MPHOSPH6: variants seen among roughly 807,000 people sequenced by gnomAD.
The protein encoded by MPHOSPH6 is M-phase phosphoprotein 6.
In MPHOSPH6, 25 loss-of-function variants were observed where a neutral mutation model predicts 21.8. That is an observed-to-expected ratio of 1.15 (90% CI 0.83 to 1.60). The LOEUF is 1.60. Ranked by LOEUF, MPHOSPH6 falls within the 40% of genes most tolerant of loss-of-function variation. The probability of loss-of-function intolerance (pLI) is 0.00; values close to 1 mark genes in which losing one functional copy is unlikely to be tolerated. For synonymous variants in MPHOSPH6, 84 were observed against 56.5 expected (o/e 1.49, Z -2.18); for missense variants, 269 against 181.8 (o/e 1.48, Z -2.76).
chr16:82,151,222 G>T lies in MPHOSPH6; in HGVS notation c.255+202C>A, dbSNP rs939620721. The T allele has an allele frequency of 1.3e-5, 8 of 613,728 alleles. No homozygotes were observed. The African/African-American group carries it at 1.5e-4, about 11-fold the overall frequency. The allele number at this position is 613,728 out of a possible 1,614,324, so 38.0% of individuals were successfully genotyped here. ...TGTCAAGGGCTGTATACTGCTATATGAAATTATCTACTCACCTCTACCATA... is the reference window on the plus strand; with the variant it reads ...TGTCAAGGGCTGTATACTGCTATATTAAATTATCTACTCACCTCTACCATA... On this transcript the variant is annotated intron_variant, in intron 3 of 4. Transcript: ENST00000258169.
At chr16:82,149,495 C>G (rs1906194305) in intron 3 of MPHOSPH6, 92 bp from the exon 4 acceptor site, 1 of 1,060,182 alleles carries the variant, frequency 9.4e-7, no homozygotes, top group Non-Finnish European at 1.5e-6. Context: ...AAACTGAAGT[C>G]AAATAATCTA....
intron 2 of MPHOSPH6, among the ~76,000 whole-genome samples, chr16:82,158,211 G>A (rs552227151): frequency 1.3e-5 from 2 of 152,038 alleles, no homozygotes; most frequent in South Asian, 2.1e-4. Context: ...CTTCTTAGCC[G>A]GGCGCAGTGG....
intron 1 of MPHOSPH6, among the ~76,000 whole-genome samples, chr16:82,168,459 G>A (rs991315261): frequency 6.7e-5 from 9 of 133,654 alleles, no homozygotes; most frequent in Non-Finnish European, 9.2e-5. Flanking sequence ...CCCATATAAT[G>A]TTTACTCTCT....
chr16:82,158,172 T>C (rs985478842), intron 2 of MPHOSPH6, among the ~76,000 whole-genome samples: 22 of 152,020 alleles, frequency 1.4e-4, no homozygotes, highest in African/African-American at 5.1e-4. Context: ...ATATTCGGTA[T>C]ACGAAATTGA....
In MPHOSPH6 at chr16:82,153,274, A is replaced by T. The variant is rs1195903682; in HGVS notation, c.165-1760T>A. On this transcript the variant is annotated intron_variant, in intron 2 of 4. Transcript: ENST00000258169. ...GTTATTCCATCCCTAGCTGTAGGGG[A>T]GTAATTGGTATGGAACTAGCTTTCC... Among the ~76,000 whole-genome samples, 14 of 152,370 alleles carry T rather than the reference A, an allele frequency of 9.2e-5. No homozygotes were observed. In the East Asian group the frequency reaches 2.7e-3, roughly 29 times the overall value.
chr16:82,158,551 A>C (rs1294903851), intron 2 of MPHOSPH6, among the ~76,000 whole-genome samples: 1 of 151,448 alleles, frequency 6.6e-6, no homozygotes. Flanking sequence ...AAATAATCTA[A>C]CTGCACTTGT....
intron 1 of MPHOSPH6, among the ~76,000 whole-genome samples, chr16:82,168,845 G>C (rs28423056): frequency 0.02 from 3,035 of 152,260 alleles, 118 homozygotes; most frequent in African/African-American, 0.069. Flanking sequence ...ACATGTAACA[G>C]TTTGCTACTC....
rs539885570 is a variant in MPHOSPH6 at position 82,150,246 on chromosome 16, T to G, written c.256-843A>C. On this transcript the variant is annotated intron_variant, in intron 3 of 4. Coordinates refer to ENST00000258169, the MANE Select transcript of MPHOSPH6 (RefSeq NM_005792.2). ...GGCAGTGGCACCTCTCCTTTCCCATTGCAGCAGACATACTTTGGAATGCTC... is the reference window on the plus strand; with the variant it reads ...GGCAGTGGCACCTCTCCTTTCCCATGGCAGCAGACATACTTTGGAATGCTC... Among the ~76,000 whole-genome samples, 3 of 152,230 alleles carry G rather than the reference T, an allele frequency of 2.0e-5. No individual in the cohort carries two copies. The South Asian group carries it at 6.2e-4, about 32-fold the overall frequency.
chr16:82,161,831 A>T (rs907820102), intron 2 of MPHOSPH6, among the ~76,000 whole-genome samples: 1 of 152,204 alleles, frequency 6.6e-6, no homozygotes, highest in African/African-American at 2.4e-5. Context: ...CCACTGGCTA[A>T]AAGTGTCCCC....
intron 2 of MPHOSPH6, among the ~76,000 whole-genome samples, chr16:82,158,571 C>T (rs1021473666): frequency 6.6e-6 from 1 of 150,798 alleles, no homozygotes; most frequent in African/African-American, 2.4e-5. Context: ...TGTGACTGAA[C>T]CGAGAGATGA....
chr16:82,169,319 T>C (rs1018814880), intron 1 of MPHOSPH6, among the ~76,000 whole-genome samples: 1 of 152,240 alleles, frequency 6.6e-6, no homozygotes, highest in African/African-American at 2.4e-5. Flanking sequence ...TTTCTTTTTC[T>C]TTCTTGCCTC....
chr16:82,148,989 A>T, intron 4 of MPHOSPH6, 126 bp from the exon 5 acceptor site: 1 of 1,246,734 alleles, frequency 8.0e-7, no homozygotes, highest in Non-Finnish European at 1.1e-6. Context: ...CATTAAAAGA[A>T]ACCATCTGAT....
intron 2 of MPHOSPH6, among the ~76,000 whole-genome samples, chr16:82,158,595 T>C (rs998786586): frequency 6.6e-6 from 1 of 152,166 alleles, no homozygotes; most frequent in Non-Finnish European, 1.5e-5. Context: ...AGACACTTTT[T>C]TTCAATGTCA....
At chr16:82,162,409 G>A (rs1276336467) in intron 2 of MPHOSPH6, 1 of 152,316 alleles carries the variant, frequency 6.6e-6, no homozygotes, top group Non-Finnish European at 1.5e-5. Flanking sequence ...GTCTTCACCT[G>A]TTTCTCTGGC....
At position 82,148,681 on chromosome 16, in the gene MPHOSPH6, C is replaced by A. The variant is rs3751863; in HGVS notation, c.*50G>T. The A allele has an allele frequency of 2.8e-5, 45 of 1,599,336 alleles. No homozygotes were observed. In the South Asian group the frequency reaches 4.2e-4, roughly 15 times the overall value. On this transcript the variant is annotated 3_prime_UTR_variant, in exon 5 of 5. Coordinates refer to ENST00000258169, the MANE Select transcript of MPHOSPH6 (RefSeq NM_005792.2). ...CACCATTGGGATGAGCTCCAGATGCCCTGCTGACTTCCACCAAGCACCCCT... is the reference window on the plus strand; with the variant it reads ...CACCATTGGGATGAGCTCCAGATGCACTGCTGACTTCCACCAAGCACCCCT...
chr16:82,150,725 C>T (rs1206140882), intron 3 of MPHOSPH6, among the ~76,000 whole-genome samples: 2 of 152,170 alleles, frequency 1.3e-5, no homozygotes, highest in Non-Finnish European at 2.9e-5. Flanking sequence ...AAAGCCACCA[C>T]CACAAAGAAT....
In MPHOSPH6 at chr16:82,163,645, G is replaced by C. The variant is rs551435118; in HGVS notation, c.164+437C>G. Among the ~76,000 whole-genome samples the C allele has an allele frequency of 2.0e-5, 3 of 152,322 alleles. No homozygotes were observed. The South Asian group carries it at 6.2e-4, about 32-fold the overall frequency. On this transcript the variant is annotated intron_variant, in intron 2 of 4. Transcript: ENST00000258169. ...CAGTAAATGTTAGCTAAAATGGATG[G>C]TATTACAAGTAGTAACAATTTAAAA...
intron 2 of MPHOSPH6, among the ~76,000 whole-genome samples, chr16:82,155,474 C>T (rs180947580): frequency 2.0e-5 from 3 of 152,222 alleles, no homozygotes; most frequent in East Asian, 3.9e-4. Context: ...ACGAAGTCAA[C>T]GTACAACCTT....
intron 2 of MPHOSPH6, among the ~76,000 whole-genome samples, chr16:82,162,656 A>G (rs1906643087): frequency 6.6e-6 from 1 of 152,204 alleles, no homozygotes; most frequent in South Asian, 2.1e-4. Context: ...GAGGTGCTGC[A>G]CTGCCCCGAG....
Sources: allele counts gnomAD v4.1 joint callset (sites outside exome capture counted in the v4.1 genomes callset), GRCh38; gene constraint gnomAD v4.1.1; transcripts MANE v1.5; gene names NCBI Gene and HGNC (gene_info 2026-07-23, HGNC 2026-07-21).